The following SCARB1 variants were observed in gnomAD, a reference collection of about 807,000 sequenced individuals.
SCARB1 encodes the protein scavenger receptor class B member 1.
A neutral mutation model predicts 57.2 loss-of-function variants in SCARB1; 30 were observed. That is an observed-to-expected ratio of 0.52 (90% CI 0.39 to 0.71). The LOEUF is 0.71. SCARB1 is among the 30% of genes least tolerant of loss of function. SCARB1 has a pLI of 0.00. For synonymous variants in SCARB1, 249 were observed against 268.3 expected, an observed-to-expected ratio of 0.93 and a Z score of 0.70; for missense variants, 543 against 671.2, an observed-to-expected ratio of 0.81 and a Z score of 2.11.
intron 12 of SCARB1, among the ~76,000 whole-genome samples, chr12:124,779,083 C>T (rs546029166): frequency 2.0e-5 from 3 of 152,092 alleles, no homozygotes; most frequent in South Asian, 2.1e-4. Flanking sequence ...CCCAAGTGGC[C>T]GGGACAATGA....
chr12:124,780,566 A>C (rs577683101), intron 12 of SCARB1, among the ~76,000 whole-genome samples: 1 of 152,310 alleles, frequency 6.6e-6, no homozygotes, highest in Non-Finnish European at 1.5e-5. Context: ...GCAGCCAGCC[A>C]CTGGAGGACA....
At chr12:124,815,769 G>A (rs576972660) in intron 2 of SCARB1, among the ~76,000 whole-genome samples, 1 of 152,320 alleles carries the variant, frequency 6.6e-6, no homozygotes, top group South Asian at 2.1e-4. Flanking sequence ...GGGAGGCTGA[G>A]GCAGGAGAAT....
chr12:124,786,297 T>C, intron 11 of SCARB1, 60 bp downstream of exon 11: 2 of 1,607,134 alleles, frequency 1.2e-6, no homozygotes, highest in Non-Finnish European at 1.7e-6. Flanking sequence ...CTGAGGCCCC[T>C]TTCCCCCAGC....
chr12:124,789,739 G>A lies in SCARB1; in HGVS notation c.1203-2282C>T, dbSNP rs762306950. 2.0e-5 allele frequency among the ~76,000 whole-genome samples: 3 copies of A among 152,246 alleles called. No individual in the cohort carries two copies. Among genetic ancestry groups the A allele is most frequent in the Admixed American group, 6.5e-5 (1 of 15,286 alleles). ...AATTTTTAAAAAGAGGGGCTGGGGC[G>A]TGGTGGCTCACGCCTGTAATCCCAG... On this transcript the variant is annotated intron_variant, in intron 9 of 12. Coordinates refer to ENST00000261693, the MANE Select transcript of SCARB1 (RefSeq NM_005505.5). The surrounding 1 kb of genome is among the most constrained non-coding windows in gnomAD (Gnocchi z 4.4).
rs556844394 is a variant in SCARB1, at chr12:124,800,443, G to A, written c.1010-201C>T. Among the ~76,000 whole-genome samples, 1 of 152,342 alleles carries A rather than the reference G, an allele frequency of 6.6e-6. No homozygotes were observed. The highest frequency in any genetic ancestry group is 2.1e-4 in the South Asian group (1 of 4,826). On this transcript the variant is annotated intron_variant, in intron 7 of 12. Coordinates refer to ENST00000261693, the MANE Select transcript of SCARB1 (RefSeq NM_005505.5). The surrounding 1 kb of genome is among the most constrained non-coding windows in gnomAD (Gnocchi z 4.8). Reference sequence around the variant, plus strand: ...GGGACAAGCTCTGCGCCAGAGAAGGGGTGAGGCAGGAGCCGCTGATTCTGA... The same window carrying A: ...GGGACAAGCTCTGCGCCAGAGAAGGAGTGAGGCAGGAGCCGCTGATTCTGA...
intron 7 of SCARB1, among the ~76,000 whole-genome samples, chr12:124,806,397 T>C (rs1353681746): frequency 6.6e-6 from 1 of 152,078 alleles, no homozygotes. Flanking sequence ...ACCAACAATG[T>C]CAGGGGACCG....
chr12:124,860,113 G>T (rs766825666), intron 1 of SCARB1, among the ~76,000 whole-genome samples: 3 of 152,116 alleles, frequency 2.0e-5, no homozygotes, highest in Non-Finnish European at 4.4e-5. Flanking sequence ...ACCATGTCCA[G>T]CTAGTTTTTG....
At chr12:124,844,630 C>T (rs1033726155) in intron 1 of SCARB1, among the ~76,000 whole-genome samples, 14 of 151,858 alleles carry the variant, frequency 9.2e-5, no homozygotes, top group Non-Finnish European at 1.6e-4. Context: ...GATTAGGACC[C>T]GCAGAGAGTC....
At chr12:124,838,140 C>T (rs895993821) in intron 1 of SCARB1, among the ~76,000 whole-genome samples, 3 of 152,234 alleles carry the variant, frequency 2.0e-5, no homozygotes, top group Non-Finnish European at 4.4e-5. Context: ...GACTATCTGT[C>T]TCTGTACAGA....
Position 124,792,216 on chromosome 12 carries a change from G to A in SCARB1, c.1202+2979C>T, listed in dbSNP as rs530756409. ...GAGCAAGGAGCACAGAAGCTTCCCC[G>A]ACAGGTCACGAGACAGCTCTGCTTC... On this transcript the variant is annotated intron_variant, in intron 9 of 12. Coordinates refer to ENST00000261693, the MANE Select transcript of SCARB1 (RefSeq NM_005505.5). Among the ~76,000 whole-genome samples the A allele has an allele frequency of 3.5e-4, 54 of 152,128 alleles. 1 individual carries two copies. Among genetic ancestry groups the A allele is most frequent in the Admixed American group, 1.3e-3 (20 of 15,280 alleles).
At chr12:124,778,952 ATTTATTT>A (rs1482762814) in intron 12 of SCARB1, among the ~76,000 whole-genome samples, 5 of 152,000 alleles carry the variant, frequency 3.3e-5, no homozygotes, top group Non-Finnish European at 7.4e-5. Context: ...TTATGTGTTG[ATTTATTT>A]TTTATTTTTT....
chr12:124,782,019 C>A (rs1873575762), intron 12 of SCARB1, among the ~76,000 whole-genome samples: 1 of 152,228 alleles, frequency 6.6e-6, no homozygotes, highest in Admixed American at 6.5e-5. Context: ...GATTCTCCTG[C>A]CTCAGCCTCC....
chr12:124,798,515 C>A (rs1950024430), intron 8 of SCARB1, among the ~76,000 whole-genome samples: 1 of 152,066 alleles, frequency 6.6e-6, no homozygotes, highest in African/African-American at 2.4e-5. Flanking sequence ...GAAAGCAAAC[C>A]CTGCATGACC....
intron 11 of SCARB1, 154 bp from the exon 12 acceptor site, chr12:124,782,965 T>G: frequency 4.1e-6 from 3 of 726,674 alleles, no homozygotes; most frequent in Non-Finnish European, 4.7e-6. Flanking sequence ...GGCTGAGATG[T>G]GGGGAGCTGC....
At chr12:124,827,982 A>C (rs1232453001) in intron 1 of SCARB1, among the ~76,000 whole-genome samples, 1 of 152,080 alleles carries the variant, frequency 6.6e-6, no homozygotes, top group Non-Finnish European at 1.5e-5. Context: ...AGCTCTTGGC[A>C]CCTTGCAGGA....
intron 1 of SCARB1, among the ~76,000 whole-genome samples, chr12:124,845,423 G>A (rs1231687337): frequency 2.0e-5 from 3 of 152,200 alleles, no homozygotes; most frequent in Non-Finnish European, 2.9e-5. Flanking sequence ...GGCCGGGCAC[G>A]GTGGCTCAGG....
In SCARB1 at chr12:124,777,439, T is replaced by C. The variant is rs1872177032; in HGVS notation, c.*1148A>G. On this transcript the variant is annotated 3_prime_UTR_variant, in exon 13 of 13. Transcript: ENST00000261693. ...AGGGCGTACTCATGCAGTATTTCTA[T>C]GAAACTCAACATTGCACAAGGTTGA... The C allele has an allele frequency of 6.6e-6, 1 of 152,126 alleles. No homozygotes were observed. The highest frequency in any genetic ancestry group is 1.5e-5 in the Non-Finnish European group (1 of 68,024). The allele number at this position is 152,126 out of a possible 1,614,324, so 9.4% of individuals were successfully genotyped here.
At chr12:124,863,456 C>T in intron 1 of SCARB1, 139 bp downstream of exon 1, 1 of 826,030 alleles carries the variant, frequency 1.2e-6, no homozygotes, top group East Asian at 3.2e-5. Context: ...CGCCTGGCCT[C>T]CCTCGTGCTC....
At chr12:124,854,971 C>T (rs1952572557) in intron 1 of SCARB1, among the ~76,000 whole-genome samples, 1 of 152,102 alleles carries the variant, frequency 6.6e-6, no homozygotes, top group South Asian at 2.1e-4. Flanking sequence ...TGGAGGAGCC[C>T]ACCCCAGGGA....
Sources: gnomAD v4.1 joint callset for allele counts (sites outside exome capture counted in the v4.1 genomes callset) on GRCh38, gnomAD v4.1.1 for gene constraint, Gnocchi (gnomAD v3.1) non-coding constraint, MANE v1.5 for transcripts, NCBI Gene and HGNC (gene_info 2026-07-23, HGNC 2026-07-21) for gene names.